The following LRRK2 variants were observed in gnomAD, a reference collection of about 807,000 sequenced individuals.
The protein encoded by LRRK2 is leucine-rich repeat serine/threonine-protein kinase 2.
In LRRK2, 203 loss-of-function variants were observed where a neutral mutation model predicts 302.6. The observed-to-expected ratio is 0.67, with a 90% CI of 0.60 to 0.75. LRRK2 has a LOEUF of 0.75. LRRK2 is among the 30% of genes least tolerant of loss of function. The pLI is 0.00. For missense variants in LRRK2, 2,830 were observed against 2,951.0 expected (o/e 0.96, Z 0.95); for synonymous variants, 1,066 against 1,031.9 (o/e 1.03, Z -0.63).
intron 47 of LRRK2, among the ~76,000 whole-genome samples, chr12:40,362,739 C>G (rs1004813363): frequency 2.6e-5 from 4 of 151,936 alleles, no homozygotes; most frequent in African/African-American, 9.7e-5. Context: ...GGTAGCCAAT[C>G]TGTTTGTGAA....
At chr12:40,232,041 G>T (rs1168815041) in intron 2 of LRRK2, among the ~76,000 whole-genome samples, 4 of 151,884 alleles carry the variant, frequency 2.6e-5, no homozygotes, top group African/African-American at 7.3e-5. Flanking sequence ...CGGCTGAAAT[G>T]TTGTATTTTT....
In LRRK2 at chr12:40,282,703, G is replaced by A. The variant is rs1416417737; in HGVS notation, c.2242-1172G>A. On this transcript the variant is annotated intron_variant, in intron 18 of 50. Coordinates refer to ENST00000298910, the MANE Select transcript of LRRK2 (RefSeq NM_198578.4). ...AGTGCTTTGAGGATGGGTTGAAGGT[G>A]GGCGTACTTGGAGACTGGTGGGCAT... Among the ~76,000 whole-genome samples the A allele has an allele frequency of 3.9e-5, 6 of 152,268 alleles. No homozygotes were observed. In the East Asian group the frequency reaches 9.7e-4, roughly 25 times the overall value.
At position 40,259,589 on chromosome 12, in the gene LRRK2, C is replaced by G. The variant is rs1380467829; in HGVS notation, c.1528C>G (p.His510Asp). The G allele has an allele frequency of 1.9e-6, 3 of 1,613,054 alleles. No homozygotes were observed. The South Asian group carries it at 3.3e-5, about 18-fold the overall frequency. Residue 510 changes from histidine (H) to aspartate (D), a missense_variant, in exon 13 of 51, where the codon CAT becomes GAT. Transcript: ENST00000298910. Reference sequence around the variant, plus strand: ...GCTGGAGGCGCTTCGAGCTATTTTACATTTTATAGTGCCTGGTAAGTTACA... The same window carrying G: ...GCTGGAGGCGCTTCGAGCTATTTTAGATTTTATAGTGCCTGGTAAGTTACA... ...VQLEALRAIL[H>D]FIVPGMPEES...
At position 40,309,391 on chromosome 12, in the gene LRRK2, T is replaced by G. The variant is rs11564179; in HGVS notation, c.4317+158T>G. Among the ~76,000 whole-genome samples, 4 of 152,144 alleles carry G rather than the reference T, an allele frequency of 2.6e-5. No homozygotes were observed. In the East Asian group the frequency reaches 7.7e-4, roughly 29 times the overall value. Reference sequence around the variant, plus strand: ...ACTAAAATTTTGAATTGGGAAACTTTCCGAGTAATGAAGTCATAACATGAA... The same window carrying G: ...ACTAAAATTTTGAATTGGGAAACTTGCCGAGTAATGAAGTCATAACATGAA... On this transcript the variant is annotated intron_variant, in intron 30 of 50. Coordinates refer to ENST00000298910, the MANE Select transcript of LRRK2 (RefSeq NM_198578.4).
rs113589830 is a variant in LRRK2, at chr12:40,309,174, G to C, written c.4258G>C (p.Asp1420His). Residue 1420 changes from aspartate (D) to histidine (H), a missense_variant, in exon 30 of 51, where the codon GAC (aspartate) becomes CAC (histidine). Physicochemically the swap from Asp to His is moderately conservative, Grantham distance 81 (BLOSUM62 -1). Around this residue, in one of 3 missense-constraint regions of LRRK2, gnomAD observed 2,121 missense variants for 2,148.0 expected, o/e 0.99. Transcript: ENST00000298910. ...GCGAGCATTGTACCTTGCTGTCTATGACCTCAGCAAGGGACAGGCTGAAGT... is the reference window on the plus strand; with the variant it reads ...GCGAGCATTGTACCTTGCTGTCTATCACCTCAGCAAGGGACAGGCTGAAGT... ...TQRALYLAVYDLSKGQAEVDA... is the reference protein window; with the variant it reads ...TQRALYLAVYHLSKGQAEVDA... 1 of 1,613,608 alleles carries C rather than the reference G, an allele frequency of 6.2e-7. No individual in the cohort carries two copies. Among genetic ancestry groups the C allele is most frequent in the Admixed American group, 1.7e-5 (1 of 59,956 alleles).
intron 7 of LRRK2, among the ~76,000 whole-genome samples, chr12:40,247,225 C>A (rs961840596): frequency 2.0e-5 from 3 of 151,894 alleles, no homozygotes; most frequent in Admixed American, 2.0e-4. Context: ...TAGGAAATTT[C>A]CTAGTTTCAG....
At chr12:40,267,180 G>C (rs541369516) in intron 14 of LRRK2, among the ~76,000 whole-genome samples, 1 of 152,270 alleles carries the variant, frequency 6.6e-6, no homozygotes, top group Admixed American at 6.5e-5. Context: ...CCCTACTGGA[G>C]ATAGCTTTGC....
intron 43 of LRRK2, among the ~76,000 whole-genome samples, chr12:40,349,022 A>C (rs975349724): frequency 1.3e-5 from 2 of 152,066 alleles, no homozygotes; most frequent in Non-Finnish European, 2.9e-5. Context: ...AGAGCTACAA[A>C]AATATTTACC....
intron 20 of LRRK2, among the ~76,000 whole-genome samples, chr12:40,292,524 C>G (rs1944200545): frequency 6.6e-6 from 1 of 151,390 alleles, no homozygotes; most frequent in Admixed American, 6.6e-5. Flanking sequence ...ATTTAATAAT[C>G]TTTATAATTA....
At position 40,310,434 on chromosome 12, in the gene LRRK2, C is replaced by T. The variant is rs33939927; in HGVS notation, c.4321C>T (p.Arg1441Cys). Residue 1441 changes from arginine (R) to cysteine (C), a missense_variant, in exon 31 of 51, where the codon CGC (arginine) becomes TGC (cysteine). This residue lies in a region of LRRK2 where 2,121 missense variants were observed against 2,148.0 expected (regional missense o/e 0.99). Coordinates refer to ENST00000298910, the MANE Select transcript of LRRK2 (RefSeq NM_198578.4). ...MKPWLFNIKA[R>C]ASSSPVILVG... ...GGTTTTGTGTCTTTCCCTCCAGGCTCGCGCTTCTTCTTCCCCTGTGATTCT... is the reference window on the plus strand; with the variant it reads ...GGTTTTGTGTCTTTCCCTCCAGGCTTGCGCTTCTTCTTCCCCTGTGATTCT... 2.4e-5 allele frequency: 39 copies of T among 1,612,956 alleles called. No homozygotes were observed. The Middle Eastern group carries it at 1.2e-3, about 48-fold the overall frequency.
At chr12:40,355,685 G>C (rs1232276353) in intron 45 of LRRK2, among the ~76,000 whole-genome samples, 1 of 151,896 alleles carries the variant, frequency 6.6e-6, no homozygotes, top group Non-Finnish European at 1.5e-5. Context: ...TGGGATTACA[G>C]GCGTGCACCA....
intron 25 of LRRK2, among the ~76,000 whole-genome samples, chr12:40,301,823 A>C (rs939940422): frequency 6.6e-6 from 1 of 152,190 alleles, no homozygotes; most frequent in African/African-American, 2.4e-5. Flanking sequence ...TCTGTTTCCC[A>C]AATTGTGTTT....
At position 40,351,691 on chromosome 12, in the gene LRRK2, G is replaced by C; in HGVS notation, c.6534G>C (p.Gln2178His). Reference sequence around the variant, plus strand: ...GCTGTGGGCACACCGACAGAGGACAGCTCTCATTTCTTGACTTAAATACTG... The same window carrying C: ...GCTGTGGGCACACCGACAGAGGACACCTCTCATTTCTTGACTTAAATACTG... ...WLGCGHTDRG[Q>H]LSFLDLNTEG... Residue 2178 changes from glutamine (Q) to histidine (H), a missense_variant, in exon 44 of 51, where the codon CAG becomes CAC. Around this residue, in one of 3 missense-constraint regions of LRRK2, gnomAD observed 456 missense variants for 456.3 expected, o/e 1.00. Coordinates refer to ENST00000298910, the MANE Select transcript of LRRK2 (RefSeq NM_198578.4). 6.2e-7 allele frequency: 1 copy of C among 1,614,204 alleles called. No individual in the cohort carries two copies. The highest frequency in any genetic ancestry group is 1.3e-5 in the African/African-American group (1 of 75,064).
At chr12:40,246,751 G>GCAGA (rs1394342986) in intron 7 of LRRK2, among the ~76,000 whole-genome samples, 2 of 152,126 alleles carry the variant, frequency 1.3e-5, no homozygotes, top group Admixed American at 6.6e-5. Flanking sequence ...GGGAGACTCT[G>GCAGA]GTTGAGACCT....
At chr12:40,364,353 G>A (rs1344404635) in intron 48 of LRRK2, among the ~76,000 whole-genome samples, 3 of 151,878 alleles carry the variant, frequency 2.0e-5, no homozygotes, top group African/African-American at 7.3e-5. Context: ...AAAACGATTA[G>A]GATTCTTTTA....
At chr12:40,240,675 A>C in intron 6 of LRRK2, 58 bp downstream of exon 6, 346 of 1,451,284 alleles carry the variant, frequency 2.4e-4, no homozygotes, top group Non-Finnish European at 3.0e-4. Flanking sequence ...AATATATCTC[A>C]TTCTGAGTAT....
At chr12:40,256,201 CT>C (rs1369683425) in intron 11 of LRRK2, among the ~76,000 whole-genome samples, 3 of 152,178 alleles carry the variant, frequency 2.0e-5, no homozygotes, top group Non-Finnish European at 2.9e-5. Flanking sequence ...AATCCCAGCA[CT>C]TTGGGAGGCC....
At chr12:40,265,909 C>T (rs1383014328) in intron 14 of LRRK2, among the ~76,000 whole-genome samples, 1 of 152,120 alleles carries the variant, frequency 6.6e-6, no homozygotes, top group Non-Finnish European at 1.5e-5. Context: ...GGAAACGATT[C>T]CCTATTTAAT....
chr12:40,309,076 TA>T, intron 29 of LRRK2, 29 bp from the exon 30 acceptor site: 1 of 1,611,110 alleles, frequency 6.2e-7, no homozygotes, highest in Non-Finnish European at 8.5e-7. Context: ...TTTGAAAGAT[TA>T]AAAAAATTTG....
Sources: gnomAD v4.1 joint callset for allele counts (sites outside exome capture counted in the v4.1 genomes callset) on GRCh38, gnomAD v4.1.1 for gene constraint, gnomAD v4.1.1 regional missense constraint, MANE v1.5 for transcripts, NCBI Gene and HGNC (gene_info 2026-07-23, HGNC 2026-07-21) for gene names.